Variants in RESF1 observed in about 807,000 individuals in gnomAD.
RESF1 encodes retroelement silencing factor 1.
Under a neutral mutation model 134.7 loss-of-function variants are expected in RESF1, and 65 were observed. That is an observed-to-expected ratio of 0.48 (90% confidence interval 0.40 to 0.59). RESF1 has a LOEUF of 0.59. Ranked by LOEUF, RESF1 falls within the 20% of genes least tolerant of loss-of-function variation. The probability of loss-of-function intolerance (pLI) is 0.00; values close to 1 mark genes in which losing one functional copy is unlikely to be tolerated. For missense variants in RESF1, 2,274 were observed against 2,002.7 expected (o/e 1.14, Z -2.59); for synonymous variants, 762 against 702.2 (o/e 1.09, Z -1.35).
chr12:31,960,158 A>G (rs1010614251), intron 1 of RESF1, among the ~76,000 whole-genome samples: 2 of 152,086 alleles, frequency 1.3e-5, no homozygotes, highest in Non-Finnish European at 2.9e-5. Flanking sequence ...TACCCATCTT[A>G]GGTGTTCTCG....
intron 2 of RESF1, among the ~76,000 whole-genome samples, chr12:31,963,090 T>G (rs1443121911): frequency 1.4e-5 from 2 of 142,678 alleles, no homozygotes; most frequent in Non-Finnish European, 3.1e-5. Flanking sequence ...CATGGGCTGG[T>G]CGCAGTGGCT....
chr12:31,980,861 ATCTT>A lies in RESF1; in HGVS notation c.-78-15_-78-12del. 1.1e-6 allele frequency: 1 copy of A among 927,790 alleles called. No individual in the cohort carries two copies. The highest frequency in any genetic ancestry group is 1.6e-6 in the Non-Finnish European group (1 of 621,846). The allele number at this position is 927,790 out of a possible 1,614,324, so 57.5% of individuals were successfully genotyped here. A position where few individuals can be genotyped will look rare whatever the true frequency, so the allele number is the denominator to read the frequency against. On this transcript the variant is annotated splice_polypyrimidine_tract_variant and intron_variant, in intron 3 of 5. Transcript: ENST00000312561. ...AGGCAAAACAGCATTTTAATAAAATATCTTTATTTCTTACAGATTCCTGACATTC... is the reference window on the plus strand; with the variant it reads ...AGGCAAAACAGCATTTTAATAAAATATATTTCTTACAGATTCCTGACATTC...
intron 1 of RESF1, among the ~76,000 whole-genome samples, chr12:31,960,486 T>C (rs751306423): frequency 6.6e-6 from 1 of 152,186 alleles, no homozygotes; most frequent in Non-Finnish European, 1.5e-5. Flanking sequence ...TTTTTTTCTG[T>C]TTAATATTAA....
Position 31,983,595 on chromosome 12 carries a change from G to T in RESF1, c.2640G>T (p.Arg880Ser), listed in dbSNP as rs755224735. ...ATCAGCAAATCTCACAGGAGTCAAG[G>T]AATAGTACTGTTGTGAGTAGTGATA... ...MNDQQISQES[R>S]NSTVVSSDTL... Residue 880 changes from arginine to serine, a missense_variant, in exon 4 of 6, where the codon AGG becomes AGT. Physicochemically the swap from Arg to Ser is moderately radical, Grantham distance 110 (BLOSUM62 -1). Transcript: ENST00000312561. 3 of 1,614,032 alleles carry T rather than the reference G, an allele frequency of 1.9e-6. No individual in the cohort carries two copies. The highest frequency in any genetic ancestry group is 1.7e-6 in the Non-Finnish European group (2 of 1,179,942).
chr12:31,977,801 C>CTTTT (rs3075963), intron 3 of RESF1, among the ~76,000 whole-genome samples: 433 of 124,234 alleles, frequency 3.5e-3, no homozygotes, highest in Non-Finnish European at 5.0e-3. Flanking sequence ...TTCTTTCTTT[C>CTTTT]TTTTTTTTTT....
rs1939881818 is a variant in RESF1, at chr12:31,983,922, C to CA, written c.2968dup (p.Arg990LysfsTer8). On this transcript the variant is annotated frameshift_variant, in exon 4 of 6. Transcript: ENST00000312561. LOFTEE classifies it high-confidence loss of function. ...CATCTTTTAACAATCTTGAAACAAACAGAGTTATTCTAGAGAAAAGTAGTT... is the reference window on the plus strand; with the variant it reads ...CATCTTTTAACAATCTTGAAACAAACAAGAGTTATTCTAGAGAAAAGTAGTT... The CA allele has an allele frequency of 6.2e-7, 1 of 1,613,748 alleles. No individual in the cohort carries two copies. The highest frequency in any genetic ancestry group is 8.5e-7 in the Non-Finnish European group (1 of 1,179,946).
At chr12:31,975,550 G>T (rs1939615259) in intron 3 of RESF1, among the ~76,000 whole-genome samples, 2 of 152,222 alleles carry the variant, frequency 1.3e-5, no homozygotes, top group African/African-American at 2.4e-5. Context: ...GGTACAAATG[G>T]TAAGTGTATA....
Position 31,992,614 on chromosome 12 carries a change from G to A in RESF1, c.*79G>A. 1 of 1,313,526 alleles carries A rather than the reference G, an allele frequency of 7.6e-7. No homozygotes were observed. Among genetic ancestry groups the A allele is most frequent in the Non-Finnish European group, 1.1e-6 (1 of 924,994 alleles). The allele number at this position is 1,313,526 out of a possible 1,614,324, so 81.4% of individuals were successfully genotyped here. A position where few individuals can be genotyped will look rare whatever the true frequency, so the allele number is the denominator to read the frequency against. ...CAAAATATTTCGCTGAAACTAATGAGAAATGCCATGATAAAGATTTCTCAG... is the reference window on the plus strand; with the variant it reads ...CAAAATATTTCGCTGAAACTAATGAAAAATGCCATGATAAAGATTTCTCAG... On this transcript the variant is annotated 3_prime_UTR_variant, in exon 6 of 6. Coordinates refer to ENST00000312561, the MANE Select transcript of RESF1 (RefSeq NM_018169.4).
Position 31,968,578 on chromosome 12 carries a change from A to G in RESF1, c.-246-1611A>G, listed in dbSNP as rs559264080. Among the ~76,000 whole-genome samples the G allele has an allele frequency of 4.6e-5, 7 of 151,552 alleles. No homozygotes were observed. In the South Asian group the frequency reaches 8.3e-4, roughly 18 times the overall value. ...ATTCTCCTGCCTCAGCCTCCCGAGT[A>G]GCTGGGATTACAGGCGCCCACCACC... On this transcript the variant is annotated intron_variant, in intron 2 of 5. Coordinates refer to ENST00000312561, the MANE Select transcript of RESF1 (RefSeq NM_018169.4).
In RESF1 at chr12:31,992,865, C is replaced by G; in HGVS notation, c.*330C>G. The G allele has an allele frequency of 3.8e-6, 1 of 262,630 alleles. No individual in the cohort carries two copies. Among genetic ancestry groups the G allele is most frequent in the Non-Finnish European group, 7.3e-6 (1 of 136,718 alleles). 16.3% of individuals were successfully genotyped at this position (262,630 alleles called of 1,614,324 possible). On this transcript the variant is annotated 3_prime_UTR_variant, in exon 6 of 6. Coordinates refer to ENST00000312561, the MANE Select transcript of RESF1 (RefSeq NM_018169.4). ...GGGAGGACCGTTCCTCAGTTAAGGA[C>G]TTGTTTATTTAAATGGGACTGTAAA...
At chr12:31,989,396 C>CAAAAAAAAAAA (rs34529486) in intron 5 of RESF1, among the ~76,000 whole-genome samples, 1 of 98,234 alleles carries the variant, frequency 1.0e-5, no homozygotes. Flanking sequence ...AGTCTTGTCT[C>CAAAAAAAAAAA]AAAAAAAAAA....
At chr12:31,966,654 G>A (rs960273382) in intron 2 of RESF1, among the ~76,000 whole-genome samples, 6 of 152,172 alleles carry the variant, frequency 3.9e-5, no homozygotes, top group Admixed American at 6.5e-5. Context: ...TCTCACTGGT[G>A]AAGCTTGGTA....
chr12:31,983,201 G>A lies in RESF1; in HGVS notation c.2246G>A (p.Gly749Asp), dbSNP rs1939854860. ...GTAATGCACAATTATGAGTCTTCAG[G>A]TATAAATATAACAAAGGGAACAGAA... ...SMVMHNYESS[G>D]INITKGTELQ... Residue 749 changes from glycine (G) to aspartate (D), a missense_variant, in exon 4 of 6, where the codon GGT becomes GAT. By Grantham distance (94) the Gly-to-Asp change is moderately conservative (BLOSUM62 -1). Coordinates refer to ENST00000312561, the MANE Select transcript of RESF1 (RefSeq NM_018169.4). 2 of 1,610,490 alleles carry A rather than the reference G, an allele frequency of 1.2e-6. No individual in the cohort carries two copies. The highest frequency in any genetic ancestry group is 1.7e-5 in the Admixed American group (1 of 59,302).
chr12:31,983,457 AACTC>A lies in RESF1; in HGVS notation c.2504_2507del (p.Thr835ArgfsTer27). On this transcript the variant is annotated frameshift_variant, in exon 4 of 6. Transcript: ENST00000312561. LOFTEE classifies it high-confidence loss of function. ...CAACATCAACCAAGATTTTTCCACT[AACTC>A]AGAAGGAAAAGCAGAATGAGTCAAC... 1 of 1,614,024 alleles carries A rather than the reference AACTC, an allele frequency of 6.2e-7. No individual in the cohort carries two copies. Among genetic ancestry groups the A allele is most frequent in the Non-Finnish European group, 8.5e-7 (1 of 1,179,966 alleles).
At chr12:31,971,013 G>C (rs145168167) in intron 3 of RESF1, among the ~76,000 whole-genome samples, 3 of 152,098 alleles carry the variant, frequency 2.0e-5, no homozygotes, top group Non-Finnish European at 4.4e-5. Flanking sequence ...AAGAACCTTC[G>C]TTTTAGACAA....
rs745675903 is a variant in RESF1, at chr12:31,985,250, A to G, written c.4295A>G (p.Asp1432Gly). The change falls in exon 4 of 6, where the codon GAC becomes GGC. Residue 1432 changes from aspartate to glycine, a missense_variant. Asp to Gly is a moderately conservative substitution (Grantham distance 94). Coordinates refer to ENST00000312561, the MANE Select transcript of RESF1 (RefSeq NM_018169.4). ...EKMVSNTKSVDTKASSSKFSR... is the reference protein window; with the variant it reads ...EKMVSNTKSVGTKASSSKFSR... ...ATGGTATCAAATACTAAGTCTGTAG[A>G]CACGAAAGCGAGTTCATCTAAATTT... 1.1e-5 allele frequency: 17 copies of G among 1,609,682 alleles called. No homozygotes were observed. Among genetic ancestry groups the G allele is most frequent in the Non-Finnish European group, 1.4e-5 (16 of 1,179,032 alleles).
At chr12:31,974,993 G>A (rs1294210040) in intron 3 of RESF1, among the ~76,000 whole-genome samples, 2 of 151,486 alleles carry the variant, frequency 1.3e-5, no homozygotes, top group Middle Eastern at 3.4e-3. Context: ...AGAAAATTGA[G>A]GTCAGGCATG....
At position 31,992,477 on chromosome 12, in the gene RESF1, A is replaced by G; in HGVS notation, c.5186A>G (p.Tyr1729Cys). 1 of 1,614,054 alleles carries G rather than the reference A, an allele frequency of 6.2e-7. No individual in the cohort carries two copies. The highest frequency in any genetic ancestry group is 8.5e-7 in the Non-Finnish European group (1 of 1,179,922). Reference protein sequence around the residue: ...VKDSKEMFQTYKQMYLEKRSR... With the variant: ...VKDSKEMFQTCKQMYLEKRSR... ...GATTCAAAAGAAATGTTTCAAACCT[A>G]CAAACAGATGTACCTGGAGAAGAGA... The change falls in exon 6 of 6, where the codon TAC (tyrosine) becomes TGC (cysteine). Residue 1729 changes from tyrosine to cysteine, a missense_variant. Coordinates refer to ENST00000312561, the MANE Select transcript of RESF1 (RefSeq NM_018169.4).
In RESF1 at chr12:31,984,173, A is replaced by G. The variant is rs1431939414; in HGVS notation, c.3218A>G (p.Glu1073Gly). Reference sequence around the variant, plus strand: ...GGCATTGAGGCTGTGAATACACGTGAAGGTTCTGTGGGCCAGCAAACTACA... The same window carrying G: ...GGCATTGAGGCTGTGAATACACGTGGAGGTTCTGTGGGCCAGCAAACTACA... ...PYGIEAVNTR[E>G]GSVGQQTTYQ... The change falls in exon 4 of 6, where the codon GAA becomes GGA. Residue 1073 changes from glutamate to glycine, a missense_variant. Coordinates refer to ENST00000312561, the MANE Select transcript of RESF1 (RefSeq NM_018169.4). 1.9e-6 allele frequency: 3 copies of G among 1,612,976 alleles called. No individual in the cohort carries two copies. Among genetic ancestry groups the G allele is most frequent in the Non-Finnish European group, 2.5e-6 (3 of 1,179,756 alleles).
Sources: allele counts gnomAD v4.1 joint callset (sites outside exome capture counted in the v4.1 genomes callset), GRCh38; gene constraint gnomAD v4.1.1; transcripts MANE v1.5; gene names NCBI Gene and HGNC (gene_info 2026-07-23, HGNC 2026-07-21).